MALAT1: variants seen among roughly 807,000 people sequenced by gnomAD.
MALAT1 encodes the protein metastasis associated lung adenocarcinoma transcript 1, also known as hepcarcin.
rs750543959 is a variant in MALAT1 at position 65,504,546 on chromosome 11, C to G, written n.5168+641C>G. ...TTGAGGAAATTTCTGCAGTTTTAAG[C>G]AGTCGTATTTGTGATTGAAGCTGAG... On this transcript the variant is annotated intron_variant and non_coding_transcript_variant, in intron 3 of 3. Coordinates refer to ENST00000619449, the Ensembl canonical transcript of MALAT1. 7.7e-6 allele frequency: 4 copies of G among 518,778 alleles called. No individual in the cohort carries two copies. In the Admixed American group the frequency reaches 7.8e-5, roughly 10 times the overall value. 32.1% of individuals were successfully genotyped at this position (518,778 alleles called of 1,614,324 possible).
At chr11:65,506,397 C>T (rs1192921831) in exon 4 of MALAT1, 3 of 400,454 alleles carry the variant, frequency 7.5e-6, no homozygotes, top group African/African-American at 2.2e-5. Context: ...TAATAGCCTG[C>T]AGCTGGTGTT....
intron 1 of MALAT1, chr11:65,498,619 G>T (rs985462027): frequency 1.9e-6 from 1 of 518,570 alleles, no homozygotes; most frequent in Non-Finnish European, 3.9e-6. Context: ...TGCAAGGCTG[G>T]GGCTCAGTTG....
exon 3 of MALAT1, chr11:65,501,009 T>A (rs117197658): frequency 1.3e-4 from 32 of 237,896 alleles, no homozygotes; most frequent in African/African-American, 8.1e-4. Flanking sequence ...AGTTTGTGGG[T>A]TTTTTTTTTT....
exon 3 of MALAT1, chr11:65,499,038 G>A (rs771710314): frequency 2.3e-5 from 12 of 518,374 alleles, no homozygotes; most frequent in South Asian, 1.7e-4. Flanking sequence ...CGCCCGAGCT[G>A]TGCGGTAGGC....
exon 3 of MALAT1, chr11:65,503,547 C>T (rs1289978889): frequency 3.9e-6 from 2 of 518,270 alleles, no homozygotes; most frequent in Non-Finnish European, 3.9e-6. Flanking sequence ...GATGTTACTG[C>T]TAAAATTTAC....
At chr11:65,506,012 C>CA (rs1254198784) in intron 3 of MALAT1, 1 of 463,640 alleles carries the variant, frequency 2.2e-6, no homozygotes, top group East Asian at 5.9e-5. Flanking sequence ...CAATGCTCTT[C>CA]AGTAGGGTCA....
chr11:65,500,731 G>A (rs753845076), exon 3 of MALAT1: 2 of 519,034 alleles, frequency 3.9e-6, no homozygotes, highest in Admixed American at 3.9e-5. Flanking sequence ...CAGCATGCCA[G>A]TGTGCCAAGG....
chr11:65,503,240 A>AT (rs1205375471), exon 3 of MALAT1: 1 of 515,696 alleles, frequency 1.9e-6, no homozygotes, highest in African/African-American at 1.9e-5. Context: ...ATAAGTGCTT[A>AT]TTTTTAAGAG....
chr11:65,504,308 C>G, intron 3 of MALAT1: 4 of 464,912 alleles, frequency 8.6e-6, no homozygotes, highest in Non-Finnish European at 1.7e-5. Flanking sequence ...CTTGTTGTAG[C>G]TTTTTTTTTT....
At chr11:65,503,137 A>G (rs1565054457) in exon 3 of MALAT1, 4 of 508,672 alleles carry the variant, frequency 7.9e-6, no homozygotes, top group East Asian at 1.1e-4. Flanking sequence ...CTTCGTTATC[A>G]GAAGAGTTGC....
exon 3 of MALAT1, chr11:65,499,725 G>T: frequency 2.3e-6 from 1 of 431,844 alleles, no homozygotes; most frequent in South Asian, 1.7e-5. Context: ...GAAATTAGAA[G>T]ATAAAAACAT....
chr11:65,502,013 TC>T, exon 3 of MALAT1: 2 of 514,744 alleles, frequency 3.9e-6, no homozygotes, highest in Non-Finnish European at 7.7e-6. Context: ...GGCAAGTAAC[TC>T]CCAATGATTT....
In MALAT1 at chr11:65,497,840, G is replaced by A. The variant is rs867231715; in HGVS notation, n.153G>A. 1.2e-5 allele frequency: 6 copies of A among 514,914 alleles called. No homozygotes were observed. In the Middle Eastern group the frequency reaches 1.3e-3, roughly 110 times the overall value. 31.9% of individuals were successfully genotyped at this position (514,914 alleles called of 1,614,324 possible). A position where few individuals can be genotyped will look rare whatever the true frequency, so the allele number is the denominator to read the frequency against. ...CATTTTAGCAACGCAGAAGCCCGGC[G>A]CCGGGAAGCCTCAGCTCGCCTGAAG... On this transcript the variant is annotated non_coding_transcript_exon_variant, in exon 1 of 4. Transcript: ENST00000619449.
chr11:65,504,293 G>A, intron 3 of MALAT1: 1 of 506,342 alleles, frequency 2.0e-6, no homozygotes, highest in South Asian at 1.5e-5. Context: ...AGGGGGTGGG[G>A]CTTACTTGTT....
At chr11:65,499,195 G>C (rs768539685) in exon 3 of MALAT1, 8 of 504,406 alleles carry the variant, frequency 1.6e-5, no homozygotes, top group African/African-American at 1.6e-4. Context: ...ATTGCTTAGC[G>C]TTAAGTTTTT....
intron 1 of MALAT1, chr11:65,498,400 G>A: frequency 1.9e-6 from 1 of 518,584 alleles, no homozygotes; most frequent in Non-Finnish European, 3.8e-6. Flanking sequence ...GGCCCCCGGG[G>A]CTCAGGCGGG....
chr11:65,500,339 C>T (rs746122827), exon 3 of MALAT1: 1 of 518,458 alleles, frequency 1.9e-6, no homozygotes, highest in Non-Finnish European at 3.9e-6. Context: ...TTGCATTGGA[C>T]TTTGAGTTAA....
exon 3 of MALAT1, chr11:65,499,024 G>A (rs1195921570): frequency 3.9e-6 from 2 of 518,582 alleles, no homozygotes; most frequent in Non-Finnish European, 7.7e-6. Context: ...CTATAAATAC[G>A]CCTCGCCCGA....
exon 3 of MALAT1, chr11:65,501,978 G>A (rs191000196): frequency 5.8e-6 from 3 of 512,986 alleles, no homozygotes; most frequent in Non-Finnish European, 7.8e-6. Context: ...AATGGAAAAA[G>A]TAAAGAAATA....
Sources: gnomAD v4.1 joint callset for allele counts on GRCh38, gnomAD v4.1.1 for gene constraint, MANE v1.5 for transcripts, NCBI Gene and HGNC (gene_info 2026-07-23, HGNC 2026-07-21) for gene names.